OCA2: variants seen among roughly 807,000 people sequenced by gnomAD.
OCA2 encodes P protein.
Under a neutral mutation model 100.2 loss-of-function variants are expected in OCA2, and 77 were observed. The observed-to-expected ratio is 0.77, with a 90% CI of 0.64 to 0.93. The LOEUF is 0.93. Among genes scored for constraint, OCA2 ranks in the 40% least tolerant of loss-of-function variants. The pLI, the probability that OCA2 is intolerant of heterozygous loss-of-function variation, is 0.00. For missense variants in OCA2, 1,062 were observed against 1,089.1 expected (o/e 0.98, Z 0.35); for synonymous variants, 432 against 439.2 (o/e 0.98, Z 0.21).
intron 2 of OCA2, among the ~76,000 whole-genome samples, chr15:28,079,379 C>T (rs2044542181): frequency 6.6e-6 from 1 of 151,794 alleles, no homozygotes; most frequent in South Asian, 2.1e-4. Context: ...TAACCTTTAG[C>T]CTGAGATGAC....
the OCA2 span, among the ~76,000 whole-genome samples, chr15:27,731,244 A>T: frequency 6.6e-6 from 1 of 152,206 alleles, no homozygotes; most frequent in Non-Finnish European, 1.5e-5. Flanking sequence ...AAGTCTTCAA[A>T]GGTTATCTTA....
At chr15:27,761,262 C>T (rs1218523205) in intron 23 of OCA2, among the ~76,000 whole-genome samples, 1 of 151,952 alleles carries the variant, frequency 6.6e-6, no homozygotes, top group Non-Finnish European at 1.5e-5. Context: ...AACACAAGAT[C>T]AACATTCAAA....
At chr15:27,979,922 G>A (rs1007560859) in intron 14 of OCA2, among the ~76,000 whole-genome samples, 1 of 140,334 alleles carries the variant, frequency 7.1e-6, no homozygotes, top group Non-Finnish European at 1.5e-5. Context: ...AACCGTGTTA[G>A]CCAGGATGGT....
chr15:28,018,387 T>C lies in OCA2; in HGVS notation c.807+10A>G. On this transcript the variant is annotated intron_variant, in intron 7 of 23. Transcript: ENST00000354638. ...TTCACAATTCCTTTCAAATAAATTA[T>C]CAGCATAACCTGCTGTGGCCGCCGC... 6.2e-7 allele frequency: 1 copy of C among 1,613,544 alleles called. No homozygotes were observed. Among genetic ancestry groups the C allele is most frequent in the Non-Finnish European group, 8.5e-7 (1 of 1,179,614 alleles).
chr15:28,096,165 G>A (rs2044977548), intron 1 of OCA2, among the ~76,000 whole-genome samples: 1 of 151,494 alleles, frequency 6.6e-6, no homozygotes, highest in Admixed American at 6.6e-5. Flanking sequence ...CTGGTCTCGG[G>A]GGCGTGGCTT....
intron 21 of OCA2, among the ~76,000 whole-genome samples, chr15:27,856,105 C>T (rs113897679): frequency 9.1e-4 from 139 of 152,296 alleles, no homozygotes; most frequent in African/African-American, 3.3e-3. Flanking sequence ...CTTGTGGGTG[C>T]ATCACTCCAG....
At chr15:28,042,698 T>G (rs2043241286) in intron 2 of OCA2, among the ~76,000 whole-genome samples, 1 of 151,814 alleles carries the variant, frequency 6.6e-6, no homozygotes. Context: ...TTCTAAAAAT[T>G]AAGGGACTTG....
intron 18 of OCA2, among the ~76,000 whole-genome samples, chr15:27,935,279 G>A (rs897796345): frequency 1.3e-5 from 2 of 152,136 alleles, no homozygotes; most frequent in African/African-American, 4.8e-5. Context: ...TCTATCAAAC[G>A]CTTTCCTCGA....
At chr15:28,050,474 T>C (rs2043476082) in intron 2 of OCA2, among the ~76,000 whole-genome samples, 1 of 149,702 alleles carries the variant, frequency 6.7e-6, no homozygotes, top group Admixed American at 6.7e-5. Context: ...GGCAGGAGAA[T>C]AGCTTGAACC....
At chr15:27,862,216 CACGG>C (rs10571372) in intron 21 of OCA2, among the ~76,000 whole-genome samples, 64,294 of 150,136 alleles carry the variant, frequency 0.43, 15,834 homozygotes, top group African/African-American at 0.66. Flanking sequence ...CTCGAGTCCT[CACGG>C]ACAGAAAGCA....
At chr15:27,984,466 C>T (rs927722049) in intron 13 of OCA2, among the ~76,000 whole-genome samples, 1 of 152,224 alleles carries the variant, frequency 6.6e-6, no homozygotes, top group African/African-American at 2.4e-5. Flanking sequence ...TCAGAGGCCT[C>T]CCACCACCTC....
chr15:27,760,228 T>C (rs1355706957), intron 23 of OCA2, among the ~76,000 whole-genome samples: 2 of 152,034 alleles, frequency 1.3e-5, no homozygotes, highest in Non-Finnish European at 2.9e-5. Context: ...CATTTTCTAA[T>C]TTATGATCTC....
rs57715276 is a variant in OCA2, at chr15:27,862,477, AT to A, written c.2244+8676del. 2.1e-3 allele frequency among the ~76,000 whole-genome samples: 305 copies of A among 145,118 alleles called. 1 individual carries two copies. The highest frequency in any genetic ancestry group is 9.3e-3 in the South Asian group (43 of 4,622). ...GAAAAAAAAGTAGACCTCCTCAGACATTTTTTTTTTTTTTTGAGATGGAGTT... is the reference window on the plus strand; with the variant it reads ...GAAAAAAAAGTAGACCTCCTCAGACATTTTTTTTTTTTTTGAGATGGAGTT... On this transcript the variant is annotated intron_variant, in intron 21 of 23. Transcript: ENST00000354638.
intron 23 of OCA2, 43 bp downstream of exon 23, chr15:27,844,916 A>G: frequency 7.4e-7 from 1 of 1,346,054 alleles, no homozygotes; most frequent in Non-Finnish European, 1.1e-6. Flanking sequence ...AAGCTTAGGA[A>G]CTAGACAGTT....
intron 23 of OCA2, among the ~76,000 whole-genome samples, chr15:27,788,689 G>A (rs2032936094): frequency 6.6e-6 from 1 of 152,000 alleles, no homozygotes; most frequent in Admixed American, 6.5e-5. Flanking sequence ...TTTAATTGGA[G>A]TCTTTAGTAT....
chr15:27,909,959 A>G (rs1461611146), intron 19 of OCA2, among the ~76,000 whole-genome samples: 1 of 152,220 alleles, frequency 6.6e-6, no homozygotes, highest in East Asian at 1.9e-4. Context: ...AAATAATTGC[A>G]GTCTATACCA....
At chr15:27,890,809 C>T (rs551699633) in intron 19 of OCA2, among the ~76,000 whole-genome samples, 4 of 152,170 alleles carry the variant, frequency 2.6e-5, no homozygotes, top group South Asian at 2.1e-4. Context: ...AGGTGGATCA[C>T]GAGGTCAAGA....
At chr15:27,955,415 A>G (rs1385531223) in intron 16 of OCA2, among the ~76,000 whole-genome samples, 200 bp from the exon 17 acceptor site, 9 of 152,158 alleles carry the variant, frequency 5.9e-5, no homozygotes, top group Admixed American at 5.9e-4. Context: ...AAAAAAATAC[A>G]TATAATGACC....
intron 2 of OCA2, among the ~76,000 whole-genome samples, chr15:28,036,362 G>A (rs141945675): frequency 2.6e-5 from 4 of 152,252 alleles, no homozygotes; most frequent in African/African-American, 9.6e-5. Context: ...TGCTGGAAGA[G>A]AGCCTGTCCC....
Sources: allele counts gnomAD v4.1 joint callset (sites outside exome capture counted in the v4.1 genomes callset), GRCh38; gene constraint gnomAD v4.1.1; transcripts MANE v1.5; gene names NCBI Gene and HGNC (gene_info 2026-07-23, HGNC 2026-07-21).